LAS1L: variants seen among roughly 807,000 people sequenced by gnomAD.
LAS1L encodes ribosomal biogenesis protein LAS1L.
In LAS1L, 5 loss-of-function variants were observed where a neutral mutation model predicts 57.3. The observed-to-expected ratio is 0.09, with a 90% CI of 0.05 to 0.18. The LOEUF (loss-of-function observed/expected upper bound fraction) is 0.18, where lower values mean the gene tolerates loss of function less well. Ranked by LOEUF, LAS1L falls within the 10% of genes least tolerant of loss-of-function variation. The pLI, the probability that LAS1L is intolerant of heterozygous loss-of-function variation, is 1.00. For synonymous variants in LAS1L, 245 were observed against 231.7 expected (o/e 1.06, Z -0.52); for missense variants, 360 against 568.3 (o/e 0.63, Z 3.73).
intron 12 of LAS1L, among the ~76,000 whole-genome samples, chrX:65,516,583 A>G (rs1354508018): frequency 9.2e-6 from 1 of 108,220 alleles, no homozygotes; most frequent in Admixed American, 1.0e-4. Context: ...ACAAAGCTGT[A>G]CGACAGCCTG....
At chrX:65,515,852 T>G in intron 12 of LAS1L, among the ~76,000 whole-genome samples, 1 of 111,755 alleles carries the variant, frequency 8.9e-6, no homozygotes, top group South Asian at 3.8e-4. Flanking sequence ...GGGAAAGAGT[T>G]AATGTTCTAG....
intron 12 of LAS1L, among the ~76,000 whole-genome samples, chrX:65,515,963 C>G (rs980252755): frequency 4.5e-5 from 5 of 111,875 alleles, no homozygotes; most frequent in African/African-American, 1.6e-4. Flanking sequence ...ATCACTGAGA[C>G]GCCTACCACA....
At chrX:65,514,772 C>T in intron 13 of LAS1L, 51 bp downstream of exon 13, 1 of 1,100,365 alleles carries the variant, frequency 9.1e-7, no homozygotes, top group Non-Finnish European at 1.2e-6. Flanking sequence ...CTCTCCCTCC[C>T]ACAGGTGGCA....
At chrX:65,523,815 C>CTGTTCTGCT in intron 10 of LAS1L, 108 bp from the exon 11 acceptor site, 1 of 891,776 alleles carries the variant, frequency 1.1e-6, no homozygotes. Flanking sequence ...AGACTCCCCA[C>CTGTTCTGCT]CTATACCTCC....
chrX:65,530,453 C>T lies in LAS1L; in HGVS notation c.515-575G>A, dbSNP rs780651991. On this transcript the variant is annotated intron_variant, in intron 4 of 13. Transcript: ENST00000374811. Reference sequence around the variant, plus strand: ...CAGCACTTTGGGAGGCCAAGGTGAGCGGGTCACTTGAGGTCAGGAGTTTGA... The same window carrying T: ...CAGCACTTTGGGAGGCCAAGGTGAGTGGGTCACTTGAGGTCAGGAGTTTGA... Among the ~76,000 whole-genome samples, 3 of 110,723 alleles carry T rather than the reference C, an allele frequency of 2.7e-5. No homozygotes were observed. The South Asian group carries it at 1.2e-3, about 43-fold the overall frequency.
intron 5 of LAS1L, 26 bp downstream of exon 5, chrX:65,529,568 C>G: frequency 8.4e-7 from 1 of 1,197,339 alleles, no homozygotes; most frequent in Non-Finnish European, 1.1e-6. Context: ...GCTCATGGGC[C>G]GCTTTCTGCC....
At chrX:65,518,695 A>G in intron 11 of LAS1L, 1 of 496,439 alleles carries the variant, frequency 2.0e-6, no homozygotes, top group East Asian at 1.8e-4. Context: ...CAATAATGAT[A>G]CCTAATGTAT....
Position 65,514,534 on chromosome X carries a change from GCACA to G in LAS1L, c.2078+285_2078+288del, listed in dbSNP as rs56718186. ...CCTCCCAAAATGTGTGTGTGTGCCTGCACACACACACACACACACACACACACAC... is the reference window on the plus strand; with the variant it reads ...CCTCCCAAAATGTGTGTGTGTGCCTGCACACACACACACACACACACACAC... On this transcript the variant is annotated intron_variant, in intron 13 of 13. Transcript: ENST00000374811. 3.7e-3 allele frequency among the ~76,000 whole-genome samples: 326 copies of G among 88,271 alleles called. 2 individuals are homozygous for G. The highest frequency in any genetic ancestry group is 7.6e-3 in the Admixed American group (62 of 8,169). 76.7% of individuals were successfully genotyped at this position (88,271 alleles called of 115,157 possible).
intron 4 of LAS1L, among the ~76,000 whole-genome samples, chrX:65,530,902 G>C (rs968450443): frequency 9.1e-6 from 1 of 109,656 alleles, no homozygotes; most frequent in Non-Finnish European, 1.9e-5. Context: ...AAAATCACTT[G>C]AACTCGAGAG....
intron 12 of LAS1L, among the ~76,000 whole-genome samples, 156 bp downstream of exon 12, chrX:65,517,831 G>A (rs1244147287): frequency 8.9e-6 from 1 of 112,480 alleles, no homozygotes; most frequent in African/African-American, 3.2e-5. Flanking sequence ...CTAAGAGGTG[G>A]GAGAAGCCAG....
chrX:65,532,128 T>G (rs2069527765), intron 3 of LAS1L, among the ~76,000 whole-genome samples: 1 of 111,927 alleles, frequency 8.9e-6, no homozygotes, highest in African/African-American at 3.2e-5. Context: ...AGAGCATGCC[T>G]GCCCTCTGGG....
At position 65,514,940 on chromosome X, in the gene LAS1L, C is replaced by T. The variant is rs1556298998; in HGVS notation, c.1961G>A (p.Arg654Gln). Residue 654 changes from arginine (R) to glutamine (Q), a missense_variant, in exon 13 of 14, where the codon CGA (arginine) becomes CAA (glutamine). Physicochemically the swap from Arg to Gln is conservative, Grantham distance 43 (BLOSUM62 1). Around this residue, in one of 7 missense-constraint regions of LAS1L, gnomAD observed 123 missense variants for 168.3 expected, o/e 0.73. Transcript: ENST00000374811. ...DVRWDTFPLG[R>Q]MPGQTEDPAE... The stretch of plus-strand genomic sequence containing the variant: ...TGGGTCCTCGGTCTGACCTGGCATT[C>T]GGCCTAGGGGAAATGTGTCCCATCG... The T allele has an allele frequency of 2.5e-6, 3 of 1,210,467 alleles. No homozygotes were observed. The highest frequency in any genetic ancestry group is 3.4e-6 in the Non-Finnish European group (3 of 894,755).
At chrX:65,528,464 G>T in intron 6 of LAS1L, 95 bp from the exon 7 acceptor site, 1 of 511,704 alleles carries the variant, frequency 2.0e-6, no homozygotes. Flanking sequence ...TCTCAGCACT[G>T]CCCTGCAGGG....
At chrX:65,533,763 T>A in intron 1 of LAS1L, 28 bp from the exon 2 acceptor site, 1 of 1,206,270 alleles carries the variant, frequency 8.3e-7, no homozygotes, top group Non-Finnish European at 1.1e-6. Flanking sequence ...AGCACCATCA[T>A]AAAGAGCCCT....
At chrX:65,514,058 A>G (rs910765928) in intron 13 of LAS1L, among the ~76,000 whole-genome samples, 1 of 112,198 alleles carries the variant, frequency 8.9e-6, no homozygotes, top group Non-Finnish European at 1.9e-5. Context: ...TTCATCTCCC[A>G]GGGAGTGGGC....
intron 5 of LAS1L, 87 bp from the exon 6 acceptor site, chrX:65,529,345 T>C (rs1337595597): frequency 2.4e-6 from 2 of 835,214 alleles, no homozygotes; most frequent in Non-Finnish European, 3.4e-6. Context: ...CCTCATTTCT[T>C]GAGTTGTAAT....
At chrX:65,512,999 A>G (rs2068500730) in intron 13 of LAS1L, 98 bp from the exon 14 acceptor site, 3 of 858,898 alleles carry the variant, frequency 3.5e-6, no homozygotes, top group Middle Eastern at 3.2e-4. Flanking sequence ...GGATGGGCCC[A>G]CTCTCCTGCC....
intron 9 of LAS1L, 76 bp from the exon 10 acceptor site, chrX:65,524,338 G>C: frequency 1.2e-6 from 1 of 817,993 alleles, no homozygotes; most frequent in East Asian, 3.4e-5. Context: ...GAGAGCAAGA[G>C]ACAGCAAGAG....
At chrX:65,531,846 G>A (rs776581557) in intron 3 of LAS1L, among the ~76,000 whole-genome samples, 1 of 111,791 alleles carries the variant, frequency 8.9e-6, no homozygotes, top group East Asian at 2.8e-4. Flanking sequence ...GCTTGAACCT[G>A]GGAGGCGGAG....
Sources: allele counts gnomAD v4.1 joint callset (sites outside exome capture counted in the v4.1 genomes callset), GRCh38; gene constraint gnomAD v4.1.1; regional missense constraint gnomAD v4.1.1; transcripts MANE v1.5; gene names NCBI Gene and HGNC (gene_info 2026-07-23, HGNC 2026-07-21).